Variants in OTOG observed in about 807,000 individuals in gnomAD.
OTOG encodes the protein otogelin.
OTOG carries 296 observed loss-of-function variants against 313.8 expected under a neutral mutation model. That is an observed-to-expected ratio of 0.94 (90% CI 0.86 to 1.04). The LOEUF (loss-of-function observed/expected upper bound fraction) is 1.04. Among genes scored for constraint, OTOG ranks in the 50% least tolerant of loss-of-function variants. The probability of loss-of-function intolerance (pLI) is 0.00; values close to 1 mark genes in which losing one functional copy is unlikely to be tolerated. For synonymous variants in OTOG, 1,533 were observed against 1,554.9 expected, an observed-to-expected ratio of 0.99 and a Z score of 0.33; for missense variants, 3,948 against 3,840.1, an observed-to-expected ratio of 1.03 and a Z score of -0.74.
rs1428978993 is a variant in OTOG at position 17,612,163 on chromosome 11, C to T, written c.6125C>T (p.Pro2042Leu). Residue 2042 changes from proline (P) to leucine (L), a missense_variant and splice_region_variant, in exon 37 of 56, where the codon CCA (proline) becomes CTA (leucine). Physicochemically the swap from Pro to Leu is moderately conservative, Grantham distance 98. Transcript: ENST00000399397. ...ACACTTCCTCCACTCTGTACCCAGC[C>T]AATCGCCGAGCAGGACTGCGTCCGC... ...TEANTSTTCV[P>L]IAEQDCVRHI... The T allele has an allele frequency of 6.5e-7, 1 of 1,549,412 alleles. No individual in the cohort carries two copies. Among genetic ancestry groups the T allele is most frequent in the African/African-American group, 1.4e-5 (1 of 73,142 alleles).
intron 42 of OTOG, 77 bp downstream of exon 42, chr11:17,632,303 G>A (rs1462900830): frequency 1.4e-6 from 2 of 1,445,330 alleles, no homozygotes; most frequent in African/African-American, 1.4e-5. Context: ...AAGGCTCCCG[G>A]CCCCAAGTTC....
intron 15 of OTOG, 75 bp downstream of exon 15, chr11:17,561,882 A>T: frequency 2.0e-6 from 3 of 1,520,934 alleles, no homozygotes. Flanking sequence ...ACTGGGACTT[A>T]GGACAGGGCT....
In OTOG at chr11:17,602,118, T is replaced by TC. The variant is rs1853269392; in HGVS notation, c.3710-89dup. The TC allele has an allele frequency of 1.3e-5, 19 of 1,426,606 alleles. 2 individuals carry two copies. The South Asian group carries it at 1.4e-4, about 10-fold the overall frequency. The allele number at this position is 1,426,606 out of a possible 1,614,324, so 88.4% of individuals were successfully genotyped here. Reference sequence around the variant, plus strand: ...AGAGTTCCTCCTTGGTAGCTTGCCCTCCCACCCCACTGCTGCCAAGGGGTG... The same window carrying TC: ...AGAGTTCCTCCTTGGTAGCTTGCCCTCCCCACCCCACTGCTGCCAAGGGGTG... On this transcript the variant is annotated intron_variant, in intron 31 of 55. Coordinates refer to ENST00000399397, the MANE Select transcript of OTOG (RefSeq NM_001292063.2).
chr11:17,605,060 C>T (rs1387073099), intron 32 of OTOG, among the ~76,000 whole-genome samples: 1 of 152,258 alleles, frequency 6.6e-6, no homozygotes, highest in Non-Finnish European at 1.5e-5. Context: ...TTGATGATCC[C>T]TCCAACAGCC....
chr11:17,583,067 A>G (rs1852710500), intron 23 of OTOG, among the ~76,000 whole-genome samples: 1 of 151,876 alleles, frequency 6.6e-6, no homozygotes, highest in African/African-American at 2.4e-5. Context: ...AAGGTTGCAA[A>G]GATATTCTCC....
At chr11:17,549,902 G>A (rs1055135476) in intron 3 of OTOG, among the ~76,000 whole-genome samples, 1 of 152,192 alleles carries the variant, frequency 6.6e-6, no homozygotes. Context: ...AAGGGCTCCT[G>A]TTTGGAATGC....
At chr11:17,608,809 T>C (rs1273371458) in intron 34 of OTOG, among the ~76,000 whole-genome samples, 1 of 152,116 alleles carries the variant, frequency 6.6e-6, no homozygotes, top group East Asian at 1.9e-4. Context: ...CATGAGGCCA[T>C]GTGAGAATGT....
At chr11:17,619,320 G>A (rs1282257778) in intron 39 of OTOG, among the ~76,000 whole-genome samples, 1 of 152,134 alleles carries the variant, frequency 6.6e-6, no homozygotes, top group African/African-American at 2.4e-5. Context: ...GGGGTAAATA[G>A]TTGAGCCTTC....
intron 48 of OTOG, 86 bp downstream of exon 48, chr11:17,638,635 T>A (rs1397034622): frequency 6.7e-7 from 1 of 1,485,236 alleles, no homozygotes; most frequent in Non-Finnish European, 9.2e-7. Flanking sequence ...CCTACCACCG[T>A]CCACTCCTCT....
chr11:17,641,319 C>T (rs1238533343), intron 51 of OTOG, among the ~76,000 whole-genome samples: 1 of 152,144 alleles, frequency 6.6e-6, no homozygotes, highest in Non-Finnish European at 1.5e-5. Context: ...TGGGTGTTGA[C>T]AGACACAGCA....
chr11:17,588,901 C>T (rs1343837640), intron 24 of OTOG, among the ~76,000 whole-genome samples: 1 of 152,120 alleles, frequency 6.6e-6, no homozygotes, highest in Non-Finnish European at 1.5e-5. Context: ...TACCCTGACT[C>T]CCTCAATCCT....
Position 17,572,155 on chromosome 11 carries a change from G to A in OTOG, c.2031G>A (p.Pro677=), listed in dbSNP as rs532219946. 4.2e-5 allele frequency: 65 copies of A among 1,550,468 alleles called. No homozygotes were observed. The highest frequency in any genetic ancestry group is 5.5e-5 in the Non-Finnish European group (63 of 1,146,944). The change falls in exon 18 of 56, where the codon CCG becomes CCA. Residue 677 remains proline, a synonymous_variant. Transcript: ENST00000399397. ...NSWKTLSACS[P]LVSGSPLDPC... is the part of the protein sequence containing the mutation. ...GGAAAACACTTTCTGCTTGCTCCCCGCTGGTCTCTGGCTCCCCTCTGGACC... is the reference window on the plus strand; with the variant it reads ...GGAAAACACTTTCTGCTTGCTCCCCACTGGTCTCTGGCTCCCCTCTGGACC...
At chr11:17,635,804 C>A in intron 47 of OTOG, 93 bp downstream of exon 47, 2 of 1,052,780 alleles carry the variant, frequency 1.9e-6, no homozygotes, top group Middle Eastern at 2.3e-4. Flanking sequence ...CAGGGAGCAA[C>A]AGAGCGCCCC....
At chr11:17,625,569 A>G (rs1853964358) in intron 39 of OTOG, among the ~76,000 whole-genome samples, 1 of 152,170 alleles carries the variant, frequency 6.6e-6, no homozygotes, top group Admixed American at 6.5e-5. Flanking sequence ...TATTTTATTG[A>G]GGATTTTTGC....
Position 17,633,733 on chromosome 11 carries a change from C to A in OTOG, c.7126C>A (p.Pro2376Thr). ...TYQACVTACE[P>T]PKTCQDGILG... The stretch of plus-strand genomic sequence containing the variant: ...CCAGGCATGTGTGACAGCCTGTGAG[C>A]CACCCAAGACATGCCAGGATGGGAT... Residue 2376 changes from proline (P) to threonine (T), a missense_variant, in exon 43 of 56, where the codon CCA becomes ACA. By Grantham distance (38) the Pro-to-Thr change is conservative (BLOSUM62 -1). Transcript: ENST00000399397. 2 of 1,549,824 alleles carry A rather than the reference C, an allele frequency of 1.3e-6. No individual in the cohort carries two copies. The highest frequency in any genetic ancestry group is 2.0e-5 in the Admixed American group (1 of 50,900).
rs528603714 is a variant in OTOG at position 17,623,457 on chromosome 11, T to C, written c.6529-5676T>C. On this transcript the variant is annotated intron_variant, in intron 39 of 55. Transcript: ENST00000399397. ...ATAATGGCCTCCATCTCCATCCATG[T>C]TTCTGCAGAGGACATGATCTCATTC... Among the ~76,000 whole-genome samples, 176 of 152,322 alleles carry C rather than the reference T, an allele frequency of 1.2e-3. 1 individual carries two copies. Among genetic ancestry groups the C allele is most frequent in the African/African-American group, 4.1e-3 (169 of 41,576 alleles).
At chr11:17,553,756 G>A (rs1194632524) in intron 6 of OTOG, among the ~76,000 whole-genome samples, 1 of 152,208 alleles carries the variant, frequency 6.6e-6, no homozygotes, top group Admixed American at 6.5e-5. Flanking sequence ...TATTTACTAA[G>A]TGCATACTGT....
rs527559748 is a variant in OTOG at position 17,615,016 on chromosome 11, C to T, written c.6528+1315C>T. 1.1e-4 allele frequency among the ~76,000 whole-genome samples: 17 copies of T among 152,312 alleles called. 1 individual carries two copies. The highest frequency in any genetic ancestry group is 4.1e-4 in the African/African-American group (17 of 41,574). ...GAGCTCCAGGAGCTTTGCATCCTTG[C>T]CAGCACTTGGTGGCACGTGTTTGTT... is the stretch of plus-strand genomic sequence containing the variant. On this transcript the variant is annotated intron_variant, in intron 39 of 55. Coordinates refer to ENST00000399397, the MANE Select transcript of OTOG (RefSeq NM_001292063.2).
intron 18 of OTOG, 124 bp from the exon 19 acceptor site, chr11:17,572,954 C>T: frequency 1.1e-6 from 1 of 917,410 alleles, no homozygotes; most frequent in East Asian, 2.7e-5. Flanking sequence ...AAGTAGCTGC[C>T]TACATCCGTA....
Sources: allele counts gnomAD v4.1 joint callset (sites outside exome capture counted in the v4.1 genomes callset), GRCh38; gene constraint gnomAD v4.1.1; transcripts MANE v1.5; gene names NCBI Gene and HGNC (gene_info 2026-07-23, HGNC 2026-07-21).